Variants in XRN1 observed in about 807,000 individuals in gnomAD.
XRN1 encodes the protein strand-exchange protein 1 homolog.
In XRN1, 67 loss-of-function variants were observed where a neutral mutation model predicts 222.3. The observed-to-expected ratio is 0.30, with a 90% CI of 0.25 to 0.37. XRN1 has a LOEUF of 0.37. Ranked by LOEUF, XRN1 falls within the 10% of genes least tolerant of loss-of-function variation. The pLI is 1.00. For missense variants in XRN1, 1,707 were observed against 2,000.2 expected, an observed-to-expected ratio of 0.85 and a Z score of 2.80; for synonymous variants, 643 against 652.4, an observed-to-expected ratio of 0.99 and a Z score of 0.22.
chr3:142,367,543 T>C (rs2066856059), intron 27 of XRN1, among the ~76,000 whole-genome samples: 1 of 151,888 alleles, frequency 6.6e-6, no homozygotes, highest in African/African-American at 2.4e-5. Flanking sequence ...GAAAACTGAC[T>C]CTTTTTTTTT....
intron 32 of XRN1, among the ~76,000 whole-genome samples, chr3:142,347,667 G>A (rs148747436): frequency 2.6e-5 from 4 of 151,558 alleles, no homozygotes; most frequent in East Asian, 1.9e-4. Flanking sequence ...GCACAATCTC[G>A]GCTCACTGCA....
intron 37 of XRN1, among the ~76,000 whole-genome samples, chr3:142,321,582 T>G (rs1300139135): frequency 6.6e-6 from 1 of 152,234 alleles, no homozygotes; most frequent in African/African-American, 2.4e-5. Flanking sequence ...CATAACAATA[T>G]TAAGTTTTCC....
chr3:142,362,169 G>A (rs566222518), intron 29 of XRN1, among the ~76,000 whole-genome samples: 1 of 151,316 alleles, frequency 6.6e-6, no homozygotes, highest in African/African-American at 2.4e-5. Flanking sequence ...ATGGAGTCTC[G>A]ATCTGTCGCC....
At chr3:142,364,765 C>T (rs1410280561) in intron 29 of XRN1, among the ~76,000 whole-genome samples, 1 of 152,046 alleles carries the variant, frequency 6.6e-6, no homozygotes, top group African/African-American at 2.4e-5. Context: ...TGTATGCTCA[C>T]CAAGATCTTG....
At chr3:142,323,979 C>A (rs1188250758) in intron 37 of XRN1, among the ~76,000 whole-genome samples, 1 of 151,638 alleles carries the variant, frequency 6.6e-6, no homozygotes, top group African/African-American at 2.4e-5. Context: ...ATCACAGTAA[C>A]TGAGATATCC....
chr3:142,326,570 C>T (rs2065523232), intron 37 of XRN1, among the ~76,000 whole-genome samples: 1 of 152,028 alleles, frequency 6.6e-6, no homozygotes, highest in African/African-American at 2.4e-5. Flanking sequence ...ATTATATTGT[C>T]TACTAACAAG....
intron 5 of XRN1, 52 bp downstream of exon 5, chr3:142,425,170 T>G (rs1577416890): frequency 1.6e-6 from 2 of 1,270,230 alleles, no homozygotes; most frequent in East Asian, 5.3e-5. Context: ...TGAAATCTCT[T>G]AGATATTTAA....
intron 18 of XRN1, 138 bp from the exon 19 acceptor site, chr3:142,400,685 C>A: frequency 1.8e-6 from 1 of 570,526 alleles, no homozygotes; most frequent in Non-Finnish European, 3.1e-6. Context: ...GTGACTCACA[C>A]CTGTAATCCC....
intron 33 of XRN1, among the ~76,000 whole-genome samples, chr3:142,344,138 A>G (rs2066074466): frequency 6.6e-6 from 1 of 152,160 alleles, no homozygotes; most frequent in Non-Finnish European, 1.5e-5. Context: ...GCAGGTACAA[A>G]AAAATAGATG....
At chr3:142,384,220 C>A (rs1030079161) in intron 21 of XRN1, among the ~76,000 whole-genome samples, 1 of 147,176 alleles carries the variant, frequency 6.8e-6, no homozygotes, top group Non-Finnish European at 1.5e-5. Context: ...TGCAGTGAGC[C>A]GAGATGGCGC....
chr3:142,398,397 C>T (rs1032072628), intron 19 of XRN1, among the ~76,000 whole-genome samples: 1 of 149,280 alleles, frequency 6.7e-6, no homozygotes, highest in Non-Finnish European at 1.5e-5. Context: ...GATGGGGTCT[C>T]ATTCTGTCAC....
chr3:142,336,243 C>A (rs1437385611), intron 33 of XRN1, among the ~76,000 whole-genome samples: 1 of 151,848 alleles, frequency 6.6e-6, no homozygotes, highest in East Asian at 1.9e-4. Context: ...ATATGAGGGG[C>A]ATGAGGTAGA....
At chr3:142,444,060 A>C (rs2070379417) in intron 1 of XRN1, among the ~76,000 whole-genome samples, 1 of 152,220 alleles carries the variant, frequency 6.6e-6, no homozygotes, top group Non-Finnish European at 1.5e-5. Flanking sequence ...TAGAAAATAG[A>C]AAGATGGTTC....
chr3:142,341,923 CAGGTA>C (rs2066005252), intron 33 of XRN1, among the ~76,000 whole-genome samples: 1 of 152,052 alleles, frequency 6.6e-6, no homozygotes, highest in Non-Finnish European at 1.5e-5. Flanking sequence ...CTGGAGCACC[CAGGTA>C]TATAGAGCAA....
chr3:142,362,978 T>C (rs1284369005), intron 29 of XRN1, among the ~76,000 whole-genome samples: 2 of 151,952 alleles, frequency 1.3e-5, no homozygotes, highest in Non-Finnish European at 2.9e-5. Context: ...TTTCACGTTG[T>C]TACCCAGGCT....
intron 2 of XRN1, among the ~76,000 whole-genome samples, chr3:142,430,123 T>C (rs2069458599): frequency 6.6e-6 from 1 of 152,204 alleles, no homozygotes; most frequent in South Asian, 2.1e-4. Flanking sequence ...GGCTCTGAAC[T>C]CCTCACGTTA....
intron 22 of XRN1, among the ~76,000 whole-genome samples, chr3:142,381,324 C>T (rs2067295920): frequency 6.6e-6 from 1 of 152,078 alleles, no homozygotes; most frequent in South Asian, 2.1e-4. Context: ...AATCACAGTA[C>T]AGTTATTAAG....
Position 142,322,733 on chromosome 3 carries a change from G to A in XRN1, c.4405-3830C>T, listed in dbSNP as rs1047942330. 4.6e-5 allele frequency among the ~76,000 whole-genome samples: 7 copies of A among 151,718 alleles called. No homozygotes were observed. In the East Asian group the frequency reaches 5.9e-4, roughly 13 times the overall value. ...AAGAGATGAGTTCTAGCCCAGGCAC[G>A]GTGGCTCACACCTATAATCCCAGCA... On this transcript the variant is annotated intron_variant, in intron 37 of 40. Transcript: ENST00000392981.
chr3:142,391,747 AAAATATAT>A (rs1385297227), intron 20 of XRN1, among the ~76,000 whole-genome samples: 11 of 108,398 alleles, frequency 1.0e-4, no homozygotes, highest in Middle Eastern at 4.5e-3. Flanking sequence ...AAAAAAAAAA[AAAATATAT>A]ATATATATAT....
Sources: gnomAD v4.1 joint callset for allele counts (sites outside exome capture counted in the v4.1 genomes callset) on GRCh38, gnomAD v4.1.1 for gene constraint, MANE v1.5 for transcripts, NCBI Gene and HGNC (gene_info 2026-07-23, HGNC 2026-07-21) for gene names.